The following IL34 variants were observed in gnomAD, a reference collection of about 807,000 sequenced individuals.
IL34 encodes interleukin-34.
A neutral mutation model predicts 25.3 loss-of-function variants in IL34; 17 were observed. The ratio of observed to expected loss-of-function variants is 0.67; its 90% CI spans 0.46 to 1.01. The LOEUF (loss-of-function observed/expected upper bound fraction) is 1.01, where lower values mean the gene tolerates loss of function less well. Ranked by LOEUF, IL34 falls within the 50% of genes least tolerant of loss-of-function variation. The pLI, the probability that IL34 is intolerant of heterozygous loss-of-function variation, is 0.00. For synonymous variants in IL34, 174 were observed against 140.9 expected (o/e 1.23, Z -1.66); for missense variants, 368 against 312.9 (o/e 1.18, Z -1.33).
intron 2 of IL34, among the ~76,000 whole-genome samples, chr16:70,655,985 A>G (rs2052208806): frequency 6.6e-6 from 1 of 152,262 alleles, no homozygotes; most frequent in African/African-American, 2.4e-5. Context: ...TAGTTCACAG[A>G]GTTGTGCAAC....
chr16:70,650,744 A>G (rs2052057546), intron 1 of IL34, among the ~76,000 whole-genome samples: 1 of 152,178 alleles, frequency 6.6e-6, no homozygotes, highest in African/African-American at 2.4e-5. Context: ...CTTGTTAGAA[A>G]GGTAGACTCT....
intron 1 of IL34, among the ~76,000 whole-genome samples, chr16:70,595,318 C>T (rs2050806552): frequency 6.7e-6 from 1 of 149,676 alleles, no homozygotes; most frequent in East Asian, 2.0e-4. Flanking sequence ...TCTTCTTTCT[C>T]CTCTAATTCC....
At chr16:70,593,476 G>GTCTAAGT (rs2050780034) in intron 1 of IL34, among the ~76,000 whole-genome samples, 1 of 152,032 alleles carries the variant, frequency 6.6e-6, no homozygotes, top group Admixed American at 6.6e-5. Flanking sequence ...AAGGTCTAAG[G>GTCTAAGT]TCAGACCTTA....
At chr16:70,635,164 C>T (rs370597609) in intron 1 of IL34, among the ~76,000 whole-genome samples, 1 of 152,124 alleles carries the variant, frequency 6.6e-6, no homozygotes, top group Non-Finnish European at 1.5e-5. Flanking sequence ...TTGTTAGAAT[C>T]GCCAGTCTTC....
chr16:70,653,653 C>T (rs1226231549), intron 1 of IL34, among the ~76,000 whole-genome samples: 1 of 151,928 alleles, frequency 6.6e-6, no homozygotes, highest in Non-Finnish European at 1.5e-5. Context: ...AGCCATGATC[C>T]CACTACTGCA....
intron 1 of IL34, among the ~76,000 whole-genome samples, chr16:70,593,798 A>T (rs889568920): frequency 3.3e-5 from 5 of 152,054 alleles, no homozygotes; most frequent in Admixed American, 6.6e-5. Context: ...GAGCACTAGG[A>T]TCAGAGGTGT....
At chr16:70,632,353 C>A (rs962295974) in intron 1 of IL34, among the ~76,000 whole-genome samples, 1 of 152,150 alleles carries the variant, frequency 6.6e-6, no homozygotes, top group Non-Finnish European at 1.5e-5. Flanking sequence ...CGGGCCTGTT[C>A]TCAAGGTCTA....
At chr16:70,644,849 AAGAGGAGG>A (rs1437698403), upstream of IL34, among the ~76,000 whole-genome samples, 3 of 126,648 alleles carry the variant, frequency 2.4e-5, no homozygotes, top group Non-Finnish European at 4.8e-5. Flanking sequence ...GGAAGGAGGG[AAGAGGAGG>A]AAGAGGAGGA....
At chr16:70,610,807 G>C (rs1368070477) in intron 1 of IL34, among the ~76,000 whole-genome samples, 1 of 152,214 alleles carries the variant, frequency 6.6e-6, no homozygotes, top group Non-Finnish European at 1.5e-5. Flanking sequence ...GGTGAAGCTA[G>C]GGTGAGGAGG....
intron 4 of IL34, among the ~76,000 whole-genome samples, chr16:70,659,401 A>G (rs960502964): frequency 5.3e-5 from 8 of 152,230 alleles, no homozygotes; most frequent in African/African-American, 1.9e-4. Context: ...GGAAAAGCGA[A>G]GCCTCTGAGT....
chr16:70,658,859 T>C (rs1993448), intron 4 of IL34, among the ~76,000 whole-genome samples: 67,692 of 152,066 alleles, frequency 0.45, 15,252 homozygotes, highest in South Asian at 0.64. Context: ...AGGGCCTACC[T>C]GAAATCCAGG....
At chr16:70,638,800 T>G (rs1036147350) in intron 1 of IL34, among the ~76,000 whole-genome samples, 1 of 152,168 alleles carries the variant, frequency 6.6e-6, no homozygotes, top group Non-Finnish European at 1.5e-5. Context: ...CAGGCTGGTC[T>G]CATACTCCTG....
chr16:70,618,353 G>A (rs2051207349), intron 1 of IL34, among the ~76,000 whole-genome samples: 2 of 152,036 alleles, frequency 1.3e-5, no homozygotes, highest in East Asian at 1.9e-4. Context: ...GAATAATGTG[G>A]GAGGCCGGAT....
intron 1 of IL34, among the ~76,000 whole-genome samples, chr16:70,641,539 T>C (rs528252241): frequency 3.0e-5 from 4 of 135,170 alleles, no homozygotes; most frequent in South Asian, 2.8e-4. Flanking sequence ...CTCCCTCCCT[T>C]CCTTCCTTCC....
intron 1 of IL34, among the ~76,000 whole-genome samples, chr16:70,609,413 C>T (rs552620141): frequency 6.1e-4 from 93 of 152,178 alleles, no homozygotes; most frequent in African/African-American, 2.2e-3. Context: ...TGCCACAGCT[C>T]GCAAGCTGTT....
chr16:70,655,401 T>G (rs1247853934), intron 2 of IL34, among the ~76,000 whole-genome samples: 1 of 151,500 alleles, frequency 6.6e-6, no homozygotes, highest in African/African-American at 2.4e-5. Context: ...CCTTTTCTTT[T>G]CTTTTGAGAC....
At chr16:70,641,114 A>T (rs190058144) in intron 1 of IL34, among the ~76,000 whole-genome samples, 8 of 135,316 alleles carry the variant, frequency 5.9e-5, no homozygotes, top group Admixed American at 5.8e-4. Flanking sequence ...TCTACTAAAC[A>T]TACAAAAAAA....
chr16:70,639,096 C>CA (rs1323421217), intron 1 of IL34, among the ~76,000 whole-genome samples: 4 of 152,274 alleles, frequency 2.6e-5, no homozygotes, highest in South Asian at 4.2e-4. Flanking sequence ...CACCTGAGAA[C>CA]ACTCCAGCTT....
chr16:70,583,988 G>C (rs2050663615), intron 1 of IL34, among the ~76,000 whole-genome samples: 1 of 152,074 alleles, frequency 6.6e-6, no homozygotes, highest in Admixed American at 6.5e-5. Flanking sequence ...TTTCCTTCCA[G>C]GGTTCTGTAC....
Sources: allele counts gnomAD v4.1 joint callset (sites outside exome capture counted in the v4.1 genomes callset), GRCh38; gene constraint gnomAD v4.1.1; transcripts MANE v1.5; gene names NCBI Gene and HGNC (gene_info 2026-07-23, HGNC 2026-07-21).